Variants in NRXN3 observed in about 807,000 individuals in gnomAD.
NRXN3 encodes the protein neurexin III.
In NRXN3, 32 loss-of-function variants were observed where a neutral mutation model predicts 137.6. That is an observed-to-expected ratio of 0.23 (90% CI 0.18 to 0.31). NRXN3 has a LOEUF of 0.31. Among genes scored for constraint, NRXN3 ranks in the 10% least tolerant of loss-of-function variants. The pLI is 1.00. For synonymous variants in NRXN3, 798 were observed against 784.5 expected, an observed-to-expected ratio of 1.02 and a Z score of -0.29; for missense variants, 1,574 against 2,062.5, an observed-to-expected ratio of 0.76 and a Z score of 4.59.
At chr14:79,728,561 A>C (rs1012141908) in intron 19 of NRXN3, among the ~76,000 whole-genome samples, 2 of 152,226 alleles carry the variant, frequency 1.3e-5, no homozygotes, top group African/African-American at 4.8e-5. Context: ...AGGCAAGAAG[A>C]GACTTTTTCA....
At chr14:79,030,049 CT>C (rs779570219) in intron 15 of NRXN3, among the ~76,000 whole-genome samples, 2,336 of 127,914 alleles carry the variant, frequency 0.018, 43 homozygotes, top group African/African-American at 0.059. Flanking sequence ...TTCTTTCTTT[CT>C]TTTTTTTTTT....
chr14:79,816,111 T>G (rs1035216372), intron 20 of NRXN3, among the ~76,000 whole-genome samples: 1 of 152,172 alleles, frequency 6.6e-6, no homozygotes, highest in African/African-American at 2.4e-5. Flanking sequence ...TAAGTTATTG[T>G]GAGATAAAAA....
intron 3 of NRXN3, among the ~76,000 whole-genome samples, chr14:78,285,846 T>C (rs1360517164): frequency 1.3e-5 from 2 of 152,150 alleles, no homozygotes; most frequent in East Asian, 3.9e-4. Context: ...TCTACCTCCA[T>C]TGCGTGTAAT....
chr14:78,337,104 C>A (rs963478445), intron 4 of NRXN3, among the ~76,000 whole-genome samples: 1 of 152,084 alleles, frequency 6.6e-6, no homozygotes, highest in South Asian at 2.1e-4. Flanking sequence ...CTGGTGTCTG[C>A]CTCAGTGGTG....
Position 79,314,480 on chromosome 14 carries a change from G to A in NRXN3, c.3263-152741G>A, listed in dbSNP as rs1425807980. 3.8e-4 allele frequency among the ~76,000 whole-genome samples: 11 copies of A among 28,692 alleles called. No individual in the cohort carries two copies. In the East Asian group the frequency reaches 7.3e-3, roughly 19 times the overall value. The allele number at this position is 28,692 out of a possible 152,430, so 18.8% of individuals were successfully genotyped here. A position where few individuals can be genotyped will look rare whatever the true frequency, so the allele number is the denominator to read the frequency against. ...GATCAAACTGCAAGGCGGCAACGAG[G>A]CTGGGGGAGGGGCGCCCGCCATTGC... is the stretch of plus-strand genomic sequence containing the variant. On this transcript the variant is annotated intron_variant, in intron 15 of 20. Coordinates refer to ENST00000335750, the MANE Select transcript of NRXN3 (RefSeq NM_001330195.2).
chr14:79,025,731 A>G (rs565830260), intron 15 of NRXN3, among the ~76,000 whole-genome samples: 1 of 152,238 alleles, frequency 6.6e-6, no homozygotes, highest in East Asian at 1.9e-4. Flanking sequence ...TTCTTTGGCG[A>G]TGGGTGACTG....
At chr14:78,432,171 A>G (rs962046906) in intron 4 of NRXN3, among the ~76,000 whole-genome samples, 4 of 152,334 alleles carry the variant, frequency 2.6e-5, no homozygotes, top group South Asian at 2.1e-4. Context: ...ACGTTGGCAT[A>G]TTCAGAACAC....
intron 7 of NRXN3, among the ~76,000 whole-genome samples, chr14:78,713,106 C>G (rs533631807): frequency 2.6e-5 from 4 of 152,090 alleles, no homozygotes; most frequent in South Asian, 4.1e-4. Context: ...TTTTCCAGTT[C>G]GGGAAATTGA....
At chr14:79,519,936 A>G (rs2097046480) in intron 16 of NRXN3, among the ~76,000 whole-genome samples, 1 of 152,058 alleles carries the variant, frequency 6.6e-6, no homozygotes, top group African/African-American at 2.4e-5. Context: ...TAGGTCAATT[A>G]TAGTCTTACT....
chr14:78,580,823 G>A lies in NRXN3; in HGVS notation c.758-64297G>A, dbSNP rs527609841. Among the ~76,000 whole-genome samples, 3 of 152,342 alleles carry A rather than the reference G, an allele frequency of 2.0e-5. No individual in the cohort carries two copies. The South Asian group carries it at 6.2e-4, about 32-fold the overall frequency. On this transcript the variant is annotated intron_variant, in intron 4 of 20. Coordinates refer to ENST00000335750, the MANE Select transcript of NRXN3 (RefSeq NM_001330195.2). ...TCTTTGGGGCCAGGCCAGGACTGTG[G>A]AGCCCAAAGGGCTTTTGTCATCCCT... is the stretch of plus-strand genomic sequence containing the variant.
At chr14:78,183,010 G>A (rs2059946251) in intron 1 of NRXN3, among the ~76,000 whole-genome samples, 1 of 152,138 alleles carries the variant, frequency 6.6e-6, no homozygotes, top group African/African-American at 2.4e-5. Context: ...ATCACCTGCT[G>A]GGTAATGCTA....
intron 20 of NRXN3, among the ~76,000 whole-genome samples, chr14:79,829,432 G>T (rs2099316082): frequency 6.6e-6 from 1 of 152,158 alleles, no homozygotes; most frequent in African/African-American, 2.4e-5. Context: ...GTCACTCTCT[G>T]CTTATAAAAA....
intron 15 of NRXN3, among the ~76,000 whole-genome samples, chr14:79,386,915 C>G (rs928443127): frequency 6.6e-6 from 1 of 152,238 alleles, no homozygotes; most frequent in Non-Finnish European, 1.5e-5. Flanking sequence ...AAAGCTGACA[C>G]TGGACCACTT....
At chr14:79,358,550 ACT>A (rs1322206265) in intron 15 of NRXN3, among the ~76,000 whole-genome samples, 1 of 131,552 alleles carries the variant, frequency 7.6e-6, no homozygotes, top group Non-Finnish European at 1.6e-5. Flanking sequence ...CTCCAGCCTG[ACT>A]CTGTCTCAAA....
rs221438 is a variant in NRXN3 at position 79,665,157 on chromosome 14, C to T, written c.3616+1208C>T. Among the ~76,000 whole-genome samples, 1,479 of 152,240 alleles carry T rather than the reference C, an allele frequency of 9.7e-3. 24 individuals carry two copies. The highest frequency in any genetic ancestry group is 0.033 in the African/African-American group (1,369 of 41,548). On this transcript the variant is annotated intron_variant, in intron 17 of 20. Coordinates refer to ENST00000335750, the MANE Select transcript of NRXN3 (RefSeq NM_001330195.2). ...TTTAAAAGCCTATCAGAAGTATCTG[C>T]GCTGTTGGGTTGTTCCCTAACTGCT...
intron 15 of NRXN3, among the ~76,000 whole-genome samples, chr14:79,224,452 A>G (rs1010135345): frequency 6.6e-6 from 1 of 152,214 alleles, no homozygotes; most frequent in African/African-American, 2.4e-5. Flanking sequence ...AGTTTCTTAC[A>G]TATGATATTC....
At chr14:78,545,203 G>A (rs140090668) in intron 4 of NRXN3, among the ~76,000 whole-genome samples, 1 of 152,280 alleles carries the variant, frequency 6.6e-6, no homozygotes, top group East Asian at 1.9e-4. Flanking sequence ...ATTGCTAACT[G>A]GCACCCTGTG....
chr14:78,908,534 A>C (rs1463178448), intron 10 of NRXN3, among the ~76,000 whole-genome samples: 1 of 152,102 alleles, frequency 6.6e-6, no homozygotes, highest in Non-Finnish European at 1.5e-5. Context: ...TCAGAATTAT[A>C]ATTTTAAAAA....
At chr14:78,639,114 C>T (rs2097592044) in intron 4 of NRXN3, among the ~76,000 whole-genome samples, 1 of 152,186 alleles carries the variant, frequency 6.6e-6, no homozygotes, top group Non-Finnish European at 1.5e-5. Context: ...AATGAGTTCA[C>T]AGGCTGGCCA....
Sources: gnomAD v4.1 joint callset for allele counts (sites outside exome capture counted in the v4.1 genomes callset) on GRCh38, gnomAD v4.1.1 for gene constraint, MANE v1.5 for transcripts, NCBI Gene and HGNC (gene_info 2026-07-23, HGNC 2026-07-21) for gene names.